GALNT10: variants seen among roughly 807,000 people sequenced by gnomAD.
GALNT10 encodes polypeptide N-acetylgalactosaminyltransferase 10.
A neutral mutation model predicts 75.0 loss-of-function variants in GALNT10; 41 were observed. That is an observed-to-expected ratio of 0.55 (90% CI 0.43 to 0.71). The LOEUF (loss-of-function observed/expected upper bound fraction) is 0.71. GALNT10 is among the 30% of genes least tolerant of loss of function. The pLI, the probability that GALNT10 is intolerant of heterozygous loss-of-function variation, is 0.00. For synonymous variants in GALNT10, 302 were observed against 313.0 expected (o/e 0.96, Z 0.37); for missense variants, 727 against 818.5 (o/e 0.89, Z 1.36).
At chr5:154,235,461 A>G (rs1753230516) in intron 1 of GALNT10, among the ~76,000 whole-genome samples, 1 of 152,156 alleles carries the variant, frequency 6.6e-6, no homozygotes, top group Non-Finnish European at 1.5e-5. Flanking sequence ...TTGTAGCTTC[A>G]GTACTAGGAA....
At chr5:154,391,936 C>A (rs1210426525) in intron 7 of GALNT10, among the ~76,000 whole-genome samples, 1 of 152,286 alleles carries the variant, frequency 6.6e-6, no homozygotes, top group Non-Finnish European at 1.5e-5. Context: ...TGGCCCCATG[C>A]CCATCCCTGA....
intron 1 of GALNT10, among the ~76,000 whole-genome samples, chr5:154,267,918 AG>A (rs758223156): frequency 4.6e-5 from 7 of 152,212 alleles, no homozygotes; most frequent in Non-Finnish European, 7.3e-5. Flanking sequence ...AAGAAAAAGA[AG>A]GTTGTAGAAA....
chr5:154,376,687 C>T lies in GALNT10; in HGVS notation c.754+225C>T, dbSNP rs1755655306. The stretch of plus-strand genomic sequence containing the variant: ...ACAGAGAAGTTAAGACTCAGAGAGG[C>T]GAAGTGACTTACCCAAAGTCACACA... On this transcript the variant is annotated intron_variant, in intron 5 of 11. Coordinates refer to ENST00000297107, the MANE Select transcript of GALNT10 (RefSeq NM_198321.4). The surrounding 1 kb of genome is among the most constrained non-coding windows in gnomAD (Gnocchi z 4.1). Among the ~76,000 whole-genome samples, 28 of 152,212 alleles carry T rather than the reference C, an allele frequency of 1.8e-4. No homozygotes were observed. Among genetic ancestry groups the T allele is most frequent in the Admixed American group, 1.8e-3 (27 of 15,294 alleles).
chr5:154,337,991 C>T, intron 4 of GALNT10: 2 of 1,576,898 alleles, frequency 1.3e-6, no homozygotes, highest in Non-Finnish European at 1.7e-6. Flanking sequence ...AGGCAAAGCC[C>T]CTTTTCTTGC....
chr5:154,215,910 GT>G (rs1463983930), intron 1 of GALNT10, among the ~76,000 whole-genome samples: 1 of 152,136 alleles, frequency 6.6e-6, no homozygotes, highest in African/African-American at 2.4e-5. Flanking sequence ...ATACCTTTCT[GT>G]TTTTTAGCTG....
Position 154,298,149 on chromosome 5 carries a change from GGA to G in GALNT10, c.401+71_401+72del. The G allele has an allele frequency of 1.4e-6, 2 of 1,435,378 alleles. No individual in the cohort carries two copies. The highest frequency in any genetic ancestry group is 1.9e-6 in the Non-Finnish European group (2 of 1,033,202). The allele number at this position is 1,435,378 out of a possible 1,614,324, so 88.9% of individuals were successfully genotyped here. On this transcript the variant is annotated intron_variant, in intron 3 of 11. Transcript: ENST00000297107. This position sits in a 1 kb window ranked among gnomAD's most constrained non-coding sequence, Gnocchi z 4.1. ...CTGGCTGTTGTTGAGAATTAATTAA[GGA>G]AGCAGGTACATGGAGCCCTGCTGAC...
Position 154,298,055 on chromosome 5 carries a change from C to G in GALNT10, c.377C>G (p.Ser126Cys), listed in dbSNP as rs1290322305. 6 of 1,613,120 alleles carry G rather than the reference C, an allele frequency of 3.7e-6. No homozygotes were observed. The highest frequency in any genetic ancestry group is 5.1e-6 in the Non-Finnish European group (6 of 1,179,406). ...YVSDKISLNR[S>C]LPDIRHPNCN... ...AGTGATAAAATCTCCTTGAATCGCT[C>G]TCTCCCAGATATCCGGCACCCAAAG... Residue 126 changes from serine (S) to cysteine (C), a missense_variant, in exon 3 of 12, where the codon TCT becomes TGT. Physicochemically the swap from Ser to Cys is moderately radical, Grantham distance 112. Transcript: ENST00000297107. This position sits in a 1 kb window ranked among gnomAD's most constrained non-coding sequence, Gnocchi z 4.1.
rs549916666 is a variant in GALNT10 at position 154,237,388 on chromosome 5, G to T, written c.159+46363G>T. Among the ~76,000 whole-genome samples, 129 of 151,712 alleles carry T rather than the reference G, an allele frequency of 8.5e-4. 1 individual carries two copies. The South Asian group carries it at 0.012, about 14-fold the overall frequency. On this transcript the variant is annotated intron_variant, in intron 1 of 11. Coordinates refer to ENST00000297107, the MANE Select transcript of GALNT10 (RefSeq NM_198321.4). ...GAAGAAATTGCATTTAAGTTGTGGGGTTTTTTTTTGTTTTTAAATCCAGGC... is the reference window on the plus strand; with the variant it reads ...GAAGAAATTGCATTTAAGTTGTGGGTTTTTTTTTTGTTTTTAAATCCAGGC...
chr5:154,339,251 A>G (rs1439899625), intron 4 of GALNT10, among the ~76,000 whole-genome samples: 1 of 152,130 alleles, frequency 6.6e-6, no homozygotes, highest in African/African-American at 2.4e-5. Flanking sequence ...AGAATCCCAC[A>G]TCTCAAGTAT....
intron 6 of GALNT10, 29 bp from the exon 7 acceptor site, chr5:154,386,284 C>A: frequency 6.5e-7 from 1 of 1,534,364 alleles, no homozygotes; most frequent in Non-Finnish European, 9.0e-7. Context: ...ACATCTGCAC[C>A]TTCACACCAT....
chr5:154,294,891 G>A lies in GALNT10; in HGVS notation c.235G>A (p.Ala79Thr). 1.3e-6 allele frequency: 2 copies of A among 1,593,040 alleles called. No individual in the cohort carries two copies. The highest frequency in any genetic ancestry group is 1.7e-6 in the Non-Finnish European group (2 of 1,160,768). ...GCTGAAGGACTGGCATGACAAGGAG[G>A]CCATCCGGAGGGACGCTCAGCGCGT... Reference protein sequence around the residue: ...QKLKDWHDKEAIRRDAQRVGN... With the variant: ...QKLKDWHDKETIRRDAQRVGN... Residue 79 changes from alanine (A) to threonine (T), a missense_variant, in exon 2 of 12, where the codon GCC becomes ACC. Transcript: ENST00000297107.
chr5:154,401,634 A>G (rs557171753), intron 7 of GALNT10, among the ~76,000 whole-genome samples: 1 of 152,186 alleles, frequency 6.6e-6, no homozygotes, highest in East Asian at 1.9e-4. Flanking sequence ...CCCCAAGATC[A>G]GAATATAATT....
At chr5:154,396,039 C>T (rs183849634) in intron 7 of GALNT10, among the ~76,000 whole-genome samples, 18 of 152,202 alleles carry the variant, frequency 1.2e-4, no homozygotes, top group African/African-American at 3.9e-4. Flanking sequence ...TGTGGAAGGA[C>T]AGAGTAAATG....
rs1274262084 is a variant in GALNT10 at position 154,352,616 on chromosome 5, C to T, written c.568+22878C>T. ...GGCCCCAGGTACCTACCACTGCTTT[C>T]TACCATCTTGCCCCCAGAGGTCTTG... On this transcript the variant is annotated intron_variant, in intron 4 of 11. Transcript: ENST00000297107. The surrounding 1 kb of genome is among the most constrained non-coding windows in gnomAD (Gnocchi z 4.4). Among the ~76,000 whole-genome samples the T allele has an allele frequency of 1.3e-5, 2 of 152,182 alleles. No individual in the cohort carries two copies. The highest frequency in any genetic ancestry group is 4.8e-5 in the African/African-American group (2 of 41,442).
chr5:154,271,840 A>T (rs1044768965), intron 1 of GALNT10, among the ~76,000 whole-genome samples: 8 of 152,210 alleles, frequency 5.3e-5, no homozygotes, highest in Admixed American at 6.5e-5. Flanking sequence ...CTTCTGCAGT[A>T]TGCAGAGGAA....
intron 1 of GALNT10, among the ~76,000 whole-genome samples, chr5:154,266,500 A>G (rs1753776348): frequency 6.6e-6 from 1 of 151,902 alleles, no homozygotes; most frequent in Non-Finnish European, 1.5e-5. Context: ...TAGAGGATTT[A>G]AATTTTCTCC....
At chr5:154,192,856 A>G (rs896146916) in intron 1 of GALNT10, among the ~76,000 whole-genome samples, 4 of 152,168 alleles carry the variant, frequency 2.6e-5, no homozygotes, top group South Asian at 4.1e-4. Context: ...TTCATTTGCA[A>G]TAGATGCCAA....
chr5:154,325,631 C>CAAAAAAAAAAAAAAAAAAAAA (rs34012731), intron 3 of GALNT10, among the ~76,000 whole-genome samples: 1 of 131,434 alleles, frequency 7.6e-6, no homozygotes, highest in African/African-American at 2.7e-5. Context: ...TCAGTAGATG[C>CAAAAAAAAAAAAAAAAAAAAA]AAAAAAAAAA....
chr5:154,266,278 A>G (rs913539455), intron 1 of GALNT10, among the ~76,000 whole-genome samples: 1 of 152,150 alleles, frequency 6.6e-6, no homozygotes, highest in Admixed American at 6.6e-5. Context: ...CCAGACCTCC[A>G]ATTAGGTCTT....
Sources: gnomAD v4.1 joint callset for allele counts (sites outside exome capture counted in the v4.1 genomes callset) on GRCh38, gnomAD v4.1.1 for gene constraint, Gnocchi (gnomAD v3.1) non-coding constraint, MANE v1.5 for transcripts, NCBI Gene and HGNC (gene_info 2026-07-23, HGNC 2026-07-21) for gene names.